Variants in ARHGAP32 observed in about 807,000 individuals in gnomAD.
ARHGAP32 encodes the protein Rho GTPase activating protein 32.
In ARHGAP32, 51 loss-of-function variants were observed where a neutral mutation model predicts 186.5. That is an observed-to-expected ratio of 0.27 (90% confidence interval 0.22 to 0.35). ARHGAP32 has a LOEUF of 0.35. Ranked by LOEUF, ARHGAP32 falls within the 10% of genes least tolerant of loss-of-function variation. The probability of loss-of-function intolerance (pLI) is 1.00; values close to 1 mark genes in which losing one functional copy is unlikely to be tolerated. For synonymous variants in ARHGAP32, 950 were observed against 964.3 expected, an observed-to-expected ratio of 0.99 and a Z score of 0.27; for missense variants, 2,186 against 2,623.5, an observed-to-expected ratio of 0.83 and a Z score of 3.64.
chr11:129,236,061 C>T (rs1304509952), intron 1 of ARHGAP32, among the ~76,000 whole-genome samples: 1 of 152,106 alleles, frequency 6.6e-6, no homozygotes, highest in Non-Finnish European at 1.5e-5. Context: ...CGAATAATGA[C>T]TTCTTTTCCT....
At chr11:129,110,134 G>A (rs377340251) in intron 5 of ARHGAP32, among the ~76,000 whole-genome samples, 8 of 152,056 alleles carry the variant, frequency 5.3e-5, no homozygotes, top group African/African-American at 1.9e-4. Context: ...TGAGAGATAG[G>A]GGTTTAGTTT....
chr11:128,972,702 C>T lies in ARHGAP32; in HGVS notation c.3804G>A (p.Glu1268=), dbSNP rs758438913. The T allele has an allele frequency of 6.2e-7, 1 of 1,614,020 alleles. No individual in the cohort carries two copies. Among genetic ancestry groups the T allele is most frequent in the Non-Finnish European group, 8.5e-7 (1 of 1,180,012 alleles). ...KIYPPSGSPE[E]NTSTATMTYM... is the part of the protein sequence containing the mutation. ...AAGTCATGGTGGCTGTGCTGGTATT[C>T]TCTTCGGGGGACCCAGAAGGAGGGT... The change falls in exon 22 of 23, where the codon GAG becomes GAA. Residue 1268 remains glutamate (E), a synonymous_variant. Coordinates refer to ENST00000682385, the MANE Select transcript of ARHGAP32 (RefSeq NM_001378024.1).
In ARHGAP32 at chr11:129,040,369, G is replaced by A. The variant is rs946866906; in HGVS notation, c.1045+559C>T. Among the ~76,000 whole-genome samples the A allele has an allele frequency of 4.2e-4, 64 of 151,942 alleles. 1 individual carries two copies. The highest frequency in any genetic ancestry group is 1.4e-3 in the African/African-American group (59 of 41,468). ...GACATCATCAAAAAGTTTCAGATGA[G>A]GCATTCTGTTGAATCTTCCCAAAAC... On this transcript the variant is annotated intron_variant, in intron 11 of 22. Coordinates refer to ENST00000682385, the MANE Select transcript of ARHGAP32 (RefSeq NM_001378024.1).
rs569370458 is a variant in ARHGAP32 at position 129,093,827 on chromosome 11, CA to C, written c.445-121del. ...GGGTGAGCATCAGCTTAATGTGAGA[CA>C]TATCTTATATGAGAACTTCATTGCT... On this transcript the variant is annotated intron_variant, in intron 5 of 22. Transcript: ENST00000682385. 912 of 684,288 alleles carry C rather than the reference CA, an allele frequency of 1.3e-3. 8 individuals carry two copies. The highest frequency in any genetic ancestry group is 9.5e-4 in the East Asian group (35 of 36,818). The allele number at this position is 684,288 out of a possible 1,614,324, so 42.4% of individuals were successfully genotyped here.
intron 1 of ARHGAP32, among the ~76,000 whole-genome samples, chr11:129,232,557 G>A (rs537784113): frequency 1.1e-4 from 16 of 152,082 alleles, no homozygotes; most frequent in Non-Finnish European, 1.6e-4. Flanking sequence ...CTAGGAACTT[G>A]ATAGCTTGAT....
intron 11 of ARHGAP32, among the ~76,000 whole-genome samples, chr11:129,026,547 G>A (rs377548885): frequency 2.6e-5 from 4 of 152,138 alleles, no homozygotes; most frequent in East Asian, 1.9e-4. Context: ...TGTAATCCCA[G>A]CACTTTGGGA....
chr11:129,086,174 T>C (rs1009578836), intron 6 of ARHGAP32, among the ~76,000 whole-genome samples: 1 of 152,048 alleles, frequency 6.6e-6, no homozygotes, highest in African/African-American at 2.4e-5. Context: ...GGCAATACAA[T>C]GGACACATGA....
chr11:129,157,302 A>G (rs1466689211), intron 2 of ARHGAP32, among the ~76,000 whole-genome samples: 1 of 152,164 alleles, frequency 6.6e-6, no homozygotes, highest in Non-Finnish European at 1.5e-5. Context: ...AGCATGTTGT[A>G]ACCCAATGCA....
intron 1 of ARHGAP32, among the ~76,000 whole-genome samples, chr11:129,174,803 A>G (rs966044040): frequency 1.1e-4 from 16 of 151,904 alleles, no homozygotes; most frequent in African/African-American, 3.6e-4. Context: ...CATCACCATC[A>G]TCAAAGACCA....
At chr11:129,241,906 T>C (rs1262794437) in intron 1 of ARHGAP32, among the ~76,000 whole-genome samples, 1 of 151,972 alleles carries the variant, frequency 6.6e-6, no homozygotes, top group Non-Finnish European at 1.5e-5. Flanking sequence ...GAATGACCAA[T>C]AAAAACATAG....
At chr11:129,131,345 A>G (rs1302040881) in intron 2 of ARHGAP32, among the ~76,000 whole-genome samples, 1 of 152,176 alleles carries the variant, frequency 6.6e-6, no homozygotes, top group Non-Finnish European at 1.5e-5. Context: ...TTTTTATAGA[A>G]CTTTAGCTGG....
At chr11:129,197,930 A>G (rs975403050) in intron 1 of ARHGAP32, among the ~76,000 whole-genome samples, 1 of 152,210 alleles carries the variant, frequency 6.6e-6, no homozygotes, top group Non-Finnish European at 1.5e-5. Context: ...TCACAATGGT[A>G]TCTAAAGAGG....
At chr11:129,149,269 T>A (rs1299206094) in intron 2 of ARHGAP32, among the ~76,000 whole-genome samples, 1 of 152,190 alleles carries the variant, frequency 6.6e-6, no homozygotes, top group Non-Finnish European at 1.5e-5. Context: ...GCCCACAACA[T>A]CCTGGCTAAC....
intron 5 of ARHGAP32, among the ~76,000 whole-genome samples, chr11:129,095,667 C>T (rs1409037323): frequency 6.6e-6 from 1 of 152,178 alleles, no homozygotes; most frequent in Non-Finnish European, 1.5e-5. Flanking sequence ...ATGGAGGTGG[C>T]ACAGAAAAGC....
Position 128,965,606 on chromosome 11 carries a change from T to C in ARHGAP32, c.*3301A>G, listed in dbSNP as rs906464822. On this transcript the variant is annotated 3_prime_UTR_variant, in exon 23 of 23. Coordinates refer to ENST00000682385, the MANE Select transcript of ARHGAP32 (RefSeq NM_001378024.1). ...CGTTATAATACACCATTCCTGACAT[T>C]TCTGTAACACACAGTGCTGAAAATC... The C allele has an allele frequency of 6.6e-6, 1 of 152,222 alleles. No homozygotes were observed. The highest frequency in any genetic ancestry group is 1.5e-5 in the Non-Finnish European group (1 of 68,046). The allele number at this position is 152,222 out of a possible 1,614,324, so 9.4% of individuals were successfully genotyped here. A position where few individuals can be genotyped will look rare whatever the true frequency, so the allele number is the denominator to read the frequency against.
upstream of ARHGAP32, among the ~76,000 whole-genome samples, chr11:129,193,388 G>A (rs1375329195): frequency 2.3e-5 from 3 of 128,308 alleles, no homozygotes; most frequent in African/African-American, 9.1e-5. Flanking sequence ...AGGCTGAGGT[G>A]GGAGGATCGC....
intron 1 of ARHGAP32, among the ~76,000 whole-genome samples, chr11:129,182,482 T>C (rs1408609669): frequency 6.6e-6 from 1 of 152,002 alleles, no homozygotes; most frequent in Admixed American, 6.6e-5. Context: ...GTTTTATATA[T>C]TGTAATGTAG....
At chr11:129,093,943 T>C (rs1406682855) in intron 5 of ARHGAP32, among the ~76,000 whole-genome samples, 1 of 152,132 alleles carries the variant, frequency 6.6e-6, no homozygotes, top group Non-Finnish European at 1.5e-5. Flanking sequence ...ACTTCCTTAA[T>C]CTATTTAGTA....
In ARHGAP32 at chr11:128,969,455, A is replaced by G; in HGVS notation, c.5758T>C (p.Tyr1920His). 1 of 1,614,060 alleles carries G rather than the reference A, an allele frequency of 6.2e-7. No individual in the cohort carries two copies. The highest frequency in any genetic ancestry group is 8.5e-7 in the Non-Finnish European group (1 of 1,180,012). ...PYPQGAGQLDYGSKGIPDTSE... is the reference protein window; with the variant it reads ...PYPQGAGQLDHGSKGIPDTSE... ...GTGTCTGGAATCCCTTTGGACCCAT[A>G]ATCTAACTGGCCAGCTCCCTGGGGA... is the stretch of plus-strand genomic sequence containing the variant. The change falls in exon 23 of 23, where the codon TAT (tyrosine) becomes CAT (histidine). Residue 1920 changes from tyrosine to histidine, a missense_variant. Tyr to His is a moderately conservative substitution (Grantham distance 83, BLOSUM62 2). This residue lies in a region of ARHGAP32 where 1,502 missense variants were observed against 1,570.0 expected (regional missense o/e 0.96). Coordinates refer to ENST00000682385, the MANE Select transcript of ARHGAP32 (RefSeq NM_001378024.1). The surrounding 1 kb of genome is among the most constrained non-coding windows in gnomAD (Gnocchi z 4.8).
Sources: allele counts gnomAD v4.1 joint callset (sites outside exome capture counted in the v4.1 genomes callset), GRCh38; gene constraint gnomAD v4.1.1; regional missense constraint gnomAD v4.1.1; non-coding constraint Gnocchi (gnomAD v3.1); transcripts MANE v1.5; gene names NCBI Gene and HGNC (gene_info 2026-07-23, HGNC 2026-07-21).